Variants in DOCK3 observed in about 807,000 individuals in gnomAD.
DOCK3 encodes the protein dedicator of cytokinesis protein 3.
DOCK3 carries 60 observed loss-of-function variants against 265.6 expected under a neutral mutation model. The observed-to-expected ratio is 0.23, with a 90% CI of 0.18 to 0.28. The LOEUF is 0.28. DOCK3 is among the 10% of genes least tolerant of loss of function. DOCK3 has a pLI of 1.00. For missense variants in DOCK3, 1,981 were observed against 2,594.3 expected (o/e 0.76, Z 5.14); for synonymous variants, 881 against 938.0 (o/e 0.94, Z 1.11).
At chr3:50,990,592 A>G (rs2078068961) in intron 5 of DOCK3, among the ~76,000 whole-genome samples, 1 of 152,220 alleles carries the variant, frequency 6.6e-6, no homozygotes, top group Non-Finnish European at 1.5e-5. Flanking sequence ...CTAATGGGAT[A>G]GATGTATGTA....
chr3:51,023,114 G>A (rs1048861672), intron 5 of DOCK3, among the ~76,000 whole-genome samples: 10 of 152,020 alleles, frequency 6.6e-5, no homozygotes, highest in African/African-American at 1.9e-4. Flanking sequence ...CGCCAAGGAA[G>A]TTTTCCTCAA....
chr3:51,144,667 T>C (rs967406149), intron 9 of DOCK3, among the ~76,000 whole-genome samples: 1 of 152,220 alleles, frequency 6.6e-6, no homozygotes, highest in African/African-American at 2.4e-5. Context: ...CAAATCTTTC[T>C]GAGATTCATT....
rs540280141 is a variant in DOCK3 at position 50,877,117 on chromosome 3, A to G, written c.163-12909A>G. 3 of 278,208 alleles carry G rather than the reference A, an allele frequency of 1.1e-5. No homozygotes were observed. In the South Asian group the frequency reaches 1.1e-4, roughly 10 times the overall value. The allele number at this position is 278,208 out of a possible 1,614,324, so 17.2% of individuals were successfully genotyped here. A position where few individuals can be genotyped will look rare whatever the true frequency, so the allele number is the denominator to read the frequency against. On this transcript the variant is annotated intron_variant, in intron 3 of 52. Coordinates refer to ENST00000266037, the MANE Select transcript of DOCK3 (RefSeq NM_004947.5). The stretch of plus-strand genomic sequence containing the variant: ...TCCAGGCATTTCTGCCATTCTAGGC[A>G]TTGCTCCAGGAAAATTACCAGGCAT...
chr3:50,883,101 A>T (rs2048135867), intron 3 of DOCK3, among the ~76,000 whole-genome samples: 1 of 151,948 alleles, frequency 6.6e-6, no homozygotes, highest in African/African-American at 2.4e-5. Context: ...GGAACATCAC[A>T]CACCAGGGCC....
chr3:51,211,812 A>C (rs2089520081), intron 13 of DOCK3, among the ~76,000 whole-genome samples: 1 of 152,234 alleles, frequency 6.6e-6, no homozygotes, highest in Non-Finnish European at 1.5e-5. Flanking sequence ...ATAGTGCCAC[A>C]ATAAACATAC....
At chr3:50,837,812 T>C (rs940530047) in intron 2 of DOCK3, among the ~76,000 whole-genome samples, 7 of 152,046 alleles carry the variant, frequency 4.6e-5, no homozygotes, top group African/African-American at 1.7e-4. Flanking sequence ...TCCAGAAATA[T>C]GGTGCAAAAA....
At chr3:51,087,292 CA>C (rs1341835159) in intron 7 of DOCK3, among the ~76,000 whole-genome samples, 9 of 152,184 alleles carry the variant, frequency 5.9e-5, no homozygotes, top group African/African-American at 2.2e-4. Context: ...AAACCATAAT[CA>C]AATGGAATTT....
At chr3:51,092,419 A>C (rs2082673845) in intron 9 of DOCK3, among the ~76,000 whole-genome samples, 1 of 152,158 alleles carries the variant, frequency 6.6e-6, no homozygotes, top group African/African-American at 2.4e-5. Flanking sequence ...AACTGGGCGG[A>C]GCCCACTGCA....
chr3:51,279,135 C>G (rs1289554933), intron 26 of DOCK3, among the ~76,000 whole-genome samples: 1 of 151,894 alleles, frequency 6.6e-6, no homozygotes, highest in Non-Finnish European at 1.5e-5. Flanking sequence ...GCCTGTAATC[C>G]CAGCTATTCG....
In DOCK3 at chr3:51,227,390, C is replaced by T; in HGVS notation, c.1485C>T (p.Ile495=). 1 of 1,613,948 alleles carries T rather than the reference C, an allele frequency of 6.2e-7. No individual in the cohort carries two copies. The highest frequency in any genetic ancestry group is 8.5e-7 in the Non-Finnish European group (1 of 1,179,840). The change falls in exon 16 of 53, where the codon ATC becomes ATT. Residue 495 remains isoleucine (I), a synonymous_variant. Coordinates refer to ENST00000266037, the MANE Select transcript of DOCK3 (RefSeq NM_004947.5). ...GGGGAGAAATTATCAAATTGCCTAT[C>T]CCCATTGACCGGTTCCGGGGCTCCC... ...PRWGEIIKLP[I]PIDRFRGSHL...
intron 4 of DOCK3, among the ~76,000 whole-genome samples, chr3:50,901,363 G>T (rs578207653): frequency 6.6e-6 from 1 of 152,154 alleles, no homozygotes; most frequent in Non-Finnish European, 1.5e-5. Flanking sequence ...TCAGACTGGT[G>T]TGCTGGCAGC....
intron 2 of DOCK3, among the ~76,000 whole-genome samples, chr3:50,806,573 G>A (rs1042071585): frequency 6.6e-6 from 1 of 151,626 alleles, no homozygotes; most frequent in Non-Finnish European, 1.5e-5. Flanking sequence ...CCCTGGGTGG[G>A]AATGGAAGAC....
At chr3:51,211,738 A>G (rs1426860602) in intron 13 of DOCK3, among the ~76,000 whole-genome samples, 1 of 151,986 alleles carries the variant, frequency 6.6e-6, no homozygotes, top group Non-Finnish European at 1.5e-5. Flanking sequence ...TATGTGCCAT[A>G]TTTTCTTAAT....
At chr3:51,106,331 G>A (rs576254029) in intron 9 of DOCK3, among the ~76,000 whole-genome samples, 16 of 152,298 alleles carry the variant, frequency 1.1e-4, no homozygotes, top group Non-Finnish European at 1.6e-4. Flanking sequence ...ACGCTTGGTC[G>A]GCAGAGAGCT....
chr3:51,192,204 T>C (rs1481991642), intron 12 of DOCK3, among the ~76,000 whole-genome samples: 1 of 151,632 alleles, frequency 6.6e-6, no homozygotes, highest in African/African-American at 2.4e-5. Flanking sequence ...CTATTATGTT[T>C]ATAGTTTCAG....
chr3:50,876,125 G>A (rs2047691237), intron 3 of DOCK3, among the ~76,000 whole-genome samples: 3 of 151,984 alleles, frequency 2.0e-5, no homozygotes, highest in African/African-American at 7.3e-5. Flanking sequence ...CTCAGGTTCT[G>A]TTGAAATACT....
At chr3:51,220,687 ATG>A (rs760900578) in intron 14 of DOCK3, among the ~76,000 whole-genome samples, 2 of 67,600 alleles carry the variant, frequency 3.0e-5, no homozygotes, top group Non-Finnish European at 2.8e-5. Flanking sequence ...ATATATATAT[ATG>A]TGTGTGTGTG....
chr3:51,181,164 T>C (rs2087268812), intron 12 of DOCK3, among the ~76,000 whole-genome samples: 2 of 152,066 alleles, frequency 1.3e-5, no homozygotes, highest in Non-Finnish European at 2.9e-5. Flanking sequence ...ATACTTTAAG[T>C]TCTAGGGTAC....
intron 3 of DOCK3, among the ~76,000 whole-genome samples, chr3:50,871,658 T>C (rs1458004093): frequency 1.3e-5 from 2 of 152,194 alleles, no homozygotes; most frequent in African/African-American, 4.8e-5. Context: ...CTCTCAGATT[T>C]GCTCTTTTGA....
Sources: gnomAD v4.1 joint callset for allele counts (sites outside exome capture counted in the v4.1 genomes callset) on GRCh38, gnomAD v4.1.1 for gene constraint, MANE v1.5 for transcripts, NCBI Gene and HGNC (gene_info 2026-07-23, HGNC 2026-07-21) for gene names.